CORO7: variants seen among roughly 807,000 people sequenced by gnomAD.
The protein encoded by CORO7 is coronin 7.
A neutral mutation model predicts 126.6 loss-of-function variants in CORO7; 107 were observed. That is an observed-to-expected ratio of 0.85 (90% CI 0.72 to 0.99). The LOEUF is 0.99. CORO7 is among the 50% of genes least tolerant of loss of function. The pLI, the probability that CORO7 is intolerant of heterozygous loss-of-function variation, is 0.00. For missense variants in CORO7, 1,314 were observed against 1,255.8 expected, an observed-to-expected ratio of 1.05 and a Z score of -0.70; for synonymous variants, 603 against 536.8, an observed-to-expected ratio of 1.12 and a Z score of -1.70.
At chr16:4,371,458 G>A (rs1277839006) in intron 9 of CORO7, among the ~76,000 whole-genome samples, 1 of 152,314 alleles carries the variant, frequency 6.6e-6, no homozygotes, top group South Asian at 2.1e-4. Context: ...CTGGTCATGA[G>A]GACTCAGCCC....
At chr16:4,415,691 T>C in intron 1 of CORO7, 8 of 985,328 alleles carry the variant, frequency 8.1e-6, no homozygotes, top group Non-Finnish European at 9.6e-6. Context: ...GGCCCAGTTA[T>C]CGGAGGACAC....
Position 4,360,434 on chromosome 16 carries a change from G to T in CORO7, c.2022+10C>A, listed in dbSNP as rs371240415. The T allele has an allele frequency of 6.2e-7, 1 of 1,612,686 alleles. No individual in the cohort carries two copies. The highest frequency in any genetic ancestry group is 8.5e-7 in the Non-Finnish European group (1 of 1,179,808). On this transcript the variant is annotated intron_variant, in intron 20 of 27. Coordinates refer to ENST00000251166, the MANE Select transcript of CORO7 (RefSeq NM_024535.5). Reference sequence around the variant, plus strand: ...GGTCTGAGGCCACTCCCCAGCCCCTGTGTGCTCACCTGCAGGGGCTCAGGG... The same window carrying T: ...GGTCTGAGGCCACTCCCCAGCCCCTTTGTGCTCACCTGCAGGGGCTCAGGG...
Position 4,360,477 on chromosome 16 carries a change from G to C in CORO7, c.1989C>G (p.Val663=), listed in dbSNP as rs773161227. 1.2e-6 allele frequency: 2 copies of C among 1,612,490 alleles called. No individual in the cohort carries two copies. The highest frequency in any genetic ancestry group is 1.7e-6 in the Non-Finnish European group (2 of 1,179,702). The change falls in exon 20 of 28, where the codon GTC becomes GTG. Residue 663 remains valine, a synonymous_variant. Transcript: ENST00000251166. The stretch of plus-strand genomic sequence containing the variant: ...GCTCAGGGCCACTCCGGGGCCTGTA[G>C]ACCCGCACACGCCCATCCTTGCAGA... ...ATVCKDGRVR[V]YRPRSGPEPL...
rs944766777 is a variant in CORO7, at chr16:4,362,911, G to T, written c.1276-173C>A. 3.3e-5 allele frequency: 24 copies of T among 734,176 alleles called. No homozygotes were observed. In the African/African-American group the frequency reaches 3.7e-4, roughly 11 times the overall value. 45.5% of individuals were successfully genotyped at this position (734,176 alleles called of 1,614,324 possible). On this transcript the variant is annotated intron_variant, in intron 14 of 27. Coordinates refer to ENST00000251166, the MANE Select transcript of CORO7 (RefSeq NM_024535.5). This position sits in a 1 kb window ranked among gnomAD's most constrained non-coding sequence, Gnocchi z 5.3. ...CACGGGCATAAACGCAGACACACAG[G>T]GAAGCAGCCGAGCTTCAGACCGCGG...
intron 23 of CORO7, 196 bp downstream of exon 23, chr16:4,359,100 A>G: frequency 1.5e-6 from 1 of 645,428 alleles, no homozygotes; most frequent in Non-Finnish European, 2.6e-6. Flanking sequence ...ATGGTTGAGT[A>G]TGACAATGGC....
At position 4,393,828 on chromosome 16, in the gene CORO7, C is replaced by T. The variant is rs924773753; in HGVS notation, c.615+1461G>A. ...AGAAATGTAAATCCATGGCCAGGAG[C>T]GGTAGCTCACGTCTGTAATCCCAGC... On this transcript the variant is annotated intron_variant, in intron 7 of 27. Transcript: ENST00000251166. Among the ~76,000 whole-genome samples, 9 of 152,284 alleles carry T rather than the reference C, an allele frequency of 5.9e-5. No individual in the cohort carries two copies. In the East Asian group the frequency reaches 1.5e-3, roughly 26 times the overall value.
intron 6 of CORO7, among the ~76,000 whole-genome samples, chr16:4,402,680 G>A (rs902346597): frequency 4.6e-5 from 7 of 152,144 alleles, no homozygotes; most frequent in African/African-American, 1.2e-4. Context: ...GGAGCTTAAC[G>A]CGGGGTCCAA....
chr16:4,363,837 G>A (rs1438967014), intron 14 of CORO7, among the ~76,000 whole-genome samples: 1 of 151,688 alleles, frequency 6.6e-6, no homozygotes, highest in African/African-American at 2.4e-5. Context: ...TGACCAACAT[G>A]GTGAAACCCC....
At chr16:4,396,205 G>A (rs936855724) in intron 6 of CORO7, among the ~76,000 whole-genome samples, 1 of 151,938 alleles carries the variant, frequency 6.6e-6, no homozygotes, top group East Asian at 1.9e-4. Flanking sequence ...TTAGCCTCCC[G>A]AGTAGCTGGG....
intron 7 of CORO7, among the ~76,000 whole-genome samples, chr16:4,391,214 G>C (rs574578317): frequency 1.3e-5 from 2 of 152,288 alleles, no homozygotes; most frequent in African/African-American, 4.8e-5. Context: ...CTTGAGCCCA[G>C]GAGTTCCAGA....
chr16:4,392,964 CCT>C (rs2055448971), intron 7 of CORO7, among the ~76,000 whole-genome samples: 1 of 152,244 alleles, frequency 6.6e-6, no homozygotes, highest in Non-Finnish European at 1.5e-5. Flanking sequence ...AGATCCTCTC[CCT>C]CTCTCTTCGA....
chr16:4,373,443 G>C (rs2141220829), intron 9 of CORO7, among the ~76,000 whole-genome samples: 1 of 152,248 alleles, frequency 6.6e-6, no homozygotes, highest in South Asian at 2.1e-4. Context: ...CTGGGGGCTG[G>C]GGTCCCAGGG....
chr16:4,415,732 G>T, intron 1 of CORO7: 5 of 985,542 alleles, frequency 5.1e-6, no homozygotes, highest in Non-Finnish European at 6.0e-6. Flanking sequence ...ACGGAAAGCG[G>T]AAGAGCAGAG....
At chr16:4,384,694 G>C (rs76009473) in intron 9 of CORO7, among the ~76,000 whole-genome samples, 2,240 of 152,342 alleles carry the variant, frequency 0.015, 55 homozygotes, top group African/African-American at 0.051. Context: ...CACGAGGAGG[G>C]AGGAGGCGGG....
intron 7 of CORO7, among the ~76,000 whole-genome samples, chr16:4,389,773 A>G (rs549110255): frequency 1.3e-5 from 2 of 152,316 alleles, no homozygotes; most frequent in African/African-American, 4.8e-5. Flanking sequence ...AGAGGGTCAC[A>G]GTGTCATTCA....
rs1167013356 is a variant in CORO7 at position 4,381,964 on chromosome 16, C to G, written c.785+6022G>C. 1.9e-6 allele frequency: 3 copies of G among 1,608,294 alleles called. No individual in the cohort carries two copies. In the African/African-American group the frequency reaches 4.0e-5, roughly 21 times the overall value. On this transcript the variant is annotated intron_variant, in intron 9 of 27. Transcript: ENST00000251166. ...CACAGCCACAGTGCCCACCACGAGG[C>G]CCGTGGTGCGGGAGCCCACAGCCTT...
intron 9 of CORO7, chr16:4,382,432 G>A (rs1468384795): frequency 1.2e-6 from 2 of 1,611,132 alleles, no homozygotes; most frequent in East Asian, 2.2e-5. Context: ...CTCGCTCGCT[G>A]AGTACACGGT....
chr16:4,385,579 C>T (rs2055168976), intron 9 of CORO7, among the ~76,000 whole-genome samples: 1 of 152,192 alleles, frequency 6.6e-6, no homozygotes, highest in Non-Finnish European at 1.5e-5. Context: ...CGTTATCCCC[C>T]CACCTCCACC....
At chr16:4,402,993 G>A (rs1201040013) in intron 6 of CORO7, among the ~76,000 whole-genome samples, 1 of 152,120 alleles carries the variant, frequency 6.6e-6, no homozygotes, top group Admixed American at 6.5e-5. Context: ...CCAGGGGCAC[G>A]GAGGCTTCCC....
Sources: gnomAD v4.1 joint callset for allele counts (sites outside exome capture counted in the v4.1 genomes callset) on GRCh38, gnomAD v4.1.1 for gene constraint, Gnocchi (gnomAD v3.1) non-coding constraint, MANE v1.5 for transcripts, NCBI Gene and HGNC (gene_info 2026-07-23, HGNC 2026-07-21) for gene names.